Variants in GLDC observed in about 807,000 individuals in gnomAD.
GLDC encodes glycine dehydrogenase (decarboxylating), mitochondrial.
Under a neutral mutation model 121.3 loss-of-function variants are expected in GLDC, and 104 were observed. That is an observed-to-expected ratio of 0.86 (90% confidence interval 0.73 to 1.01). The LOEUF is 1.01. Among genes scored for constraint, GLDC ranks in the 50% least tolerant of loss-of-function variants. The probability of loss-of-function intolerance (pLI) is 0.00; values close to 1 mark genes in which losing one functional copy is unlikely to be tolerated. For missense variants in GLDC, 1,429 were observed against 1,306.6 expected (o/e 1.09, Z -1.44); for synonymous variants, 546 against 480.6 (o/e 1.14, Z -1.78).
At chr9:6,585,414 AAAAAT>A (rs1399239722) in intron 15 of GLDC, among the ~76,000 whole-genome samples, 4 of 152,238 alleles carry the variant, frequency 2.6e-5, no homozygotes, top group African/African-American at 9.6e-5. Flanking sequence ...AAAACAAAAC[AAAAAT>A]AAGTAATGAA....
intron 16 of GLDC, among the ~76,000 whole-genome samples, chr9:6,562,309 A>G (rs1817773537): frequency 6.6e-6 from 1 of 152,214 alleles, no homozygotes; most frequent in African/African-American, 2.4e-5. Flanking sequence ...TGTGAAAATA[A>G]CTTCAAAAAG....
intron 2 of GLDC, among the ~76,000 whole-genome samples, chr9:6,634,954 T>A (rs139641344): frequency 6.6e-6 from 1 of 152,234 alleles, no homozygotes; most frequent in Non-Finnish European, 1.5e-5. Flanking sequence ...AATAAATCCC[T>A]TTTGGCTCTG....
intron 7 of GLDC, among the ~76,000 whole-genome samples, chr9:6,602,986 G>C (rs112333400): frequency 0.02 from 2,981 of 152,106 alleles, 115 homozygotes; most frequent in African/African-American, 0.069. Context: ...CCAGCACTTT[G>C]GGGGGCCAAG....
At chr9:6,591,039 T>G (rs1003496088) in intron 11 of GLDC, among the ~76,000 whole-genome samples, 2 of 152,236 alleles carry the variant, frequency 1.3e-5, no homozygotes, top group Admixed American at 6.5e-5. Context: ...CCAGGCAGTG[T>G]AGGCTGTTGT....
chr9:6,536,532 T>C (rs977869142), intron 22 of GLDC, among the ~76,000 whole-genome samples: 4 of 152,106 alleles, frequency 2.6e-5, no homozygotes, highest in Non-Finnish European at 5.9e-5. Context: ...TCAAAAATAT[T>C]AAGTGAAAAA....
In GLDC at chr9:6,645,296, G is replaced by C; in HGVS notation, c.204C>G (p.Ile68Met). The change falls in exon 1 of 25, where the codon ATC (isoleucine) becomes ATG (methionine). Residue 68 changes from isoleucine to methionine, a missense_variant. Transcript: ENST00000321612. The stretch of plus-strand genomic sequence containing the variant: ...CTCTCTGGTCTTTGTCCCCAGGGCC[G>C]ATGTGCCTCCGAGCGAAGTCGTCGT... ...PRHDDFARRH[I>M]GPGDKDQREM... is the part of the protein sequence containing the mutation. 1 of 1,601,346 alleles carries C rather than the reference G, an allele frequency of 6.2e-7. No individual in the cohort carries two copies. Among genetic ancestry groups the C allele is most frequent in the Non-Finnish European group, 8.5e-7 (1 of 1,174,878 alleles).
At chr9:6,598,213 A>G (rs1818529119) in intron 8 of GLDC, among the ~76,000 whole-genome samples, 1 of 152,044 alleles carries the variant, frequency 6.6e-6, no homozygotes, top group Non-Finnish European at 1.5e-5. Flanking sequence ...CTTTTTTTAT[A>G]TAGACAGGAG....
chr9:6,628,359 G>A (rs1819290579), intron 2 of GLDC, among the ~76,000 whole-genome samples: 1 of 152,200 alleles, frequency 6.6e-6, no homozygotes, highest in African/African-American at 2.4e-5. Flanking sequence ...TCACAGCAGA[G>A]CACATTCCTC....
rs56151833 is a variant in GLDC at position 6,594,506 on chromosome 9, G to A, written c.1261+508C>T. Among the ~76,000 whole-genome samples the A allele has an allele frequency of 6.2e-3, 937 of 152,206 alleles. 8 individuals carry two copies. The highest frequency in any genetic ancestry group is 0.021 in the African/African-American group (889 of 41,526). ...AGGTCAGGAATTCGAGACCAGCCTG[G>A]AAAACATGGCAAAGCCCTGTCTCTA... is the stretch of plus-strand genomic sequence containing the variant. On this transcript the variant is annotated intron_variant, in intron 9 of 24. Coordinates refer to ENST00000321612, the MANE Select transcript of GLDC (RefSeq NM_000170.3).
chr9:6,607,312 G>C (rs1818755202), intron 4 of GLDC, among the ~76,000 whole-genome samples: 2 of 152,120 alleles, frequency 1.3e-5, no homozygotes, highest in Non-Finnish European at 2.9e-5. Context: ...GACAGGTGCG[G>C]TGGCTCACAC....
chr9:6,643,072 A>G (rs1819660477), intron 2 of GLDC, among the ~76,000 whole-genome samples: 1 of 151,808 alleles, frequency 6.6e-6, no homozygotes. Flanking sequence ...TAATTTTTGT[A>G]TTTTTTGTAG....
chr9:6,601,173 G>A (rs1554647708), intron 8 of GLDC, among the ~76,000 whole-genome samples: 3 of 151,718 alleles, frequency 2.0e-5, no homozygotes, highest in Non-Finnish European at 4.4e-5. Context: ...ACTCTGTCTC[G>A]AAAAAACAAA....
intron 21 of GLDC, among the ~76,000 whole-genome samples, chr9:6,543,432 C>G (rs1817312756): frequency 6.6e-6 from 1 of 152,018 alleles, no homozygotes; most frequent in Non-Finnish European, 1.5e-5. Flanking sequence ...GAGAGTCTTC[C>G]AAGCAGAGGT....
rs766071661 is a variant in GLDC at position 6,592,173 on chromosome 9, C to A, written c.1452G>T (p.Leu484Phe). ...ETVNEKDLDDLLWIFGCESSA... is the reference protein window; with the variant it reads ...ETVNEKDLDDFLWIFGCESSA... ...ATGACTCACAACCAAAGATCCACAA[C>A]AAATCGTCCAGATCTTTTTCATTGA... The change falls in exon 11 of 25, where the codon TTG (leucine) becomes TTT (phenylalanine). Residue 484 changes from leucine (L) to phenylalanine (F), a missense_variant. By Grantham distance (22) the Leu-to-Phe change is conservative. Coordinates refer to ENST00000321612, the MANE Select transcript of GLDC (RefSeq NM_000170.3). The A allele has an allele frequency of 1.2e-6, 2 of 1,607,376 alleles. No homozygotes were observed. The highest frequency in any genetic ancestry group is 1.7e-6 in the Non-Finnish European group (2 of 1,173,976).
intron 12 of GLDC, among the ~76,000 whole-genome samples, 194 bp downstream of exon 12, chr9:6,589,001 A>G (rs1233915699): frequency 1.3e-5 from 2 of 152,146 alleles, no homozygotes; most frequent in African/African-American, 2.4e-5. Flanking sequence ...CTGCCAAGGG[A>G]GCAGAGCCAC....
In GLDC at chr9:6,586,482, T is replaced by C. The variant is rs554951512; in HGVS notation, c.1850+659A>G. 3.9e-5 allele frequency among the ~76,000 whole-genome samples: 6 copies of C among 152,224 alleles called. No homozygotes were observed. In the South Asian group the frequency reaches 1.2e-3, roughly 32 times the overall value. On this transcript the variant is annotated intron_variant, in intron 15 of 24. Coordinates refer to ENST00000321612, the MANE Select transcript of GLDC (RefSeq NM_000170.3). ...TCAAAGTCTTTCCTTTACAAAGAAA[T>C]TGAGGCTGGAAGAGGAGAAGGGACC...
chr9:6,644,924 C>G (rs185899717), intron 1 of GLDC: 3 of 620,172 alleles, frequency 4.8e-6, no homozygotes, highest in East Asian at 5.4e-5. Flanking sequence ...CCGGAGCTAA[C>G]CGGTAAGCCC....
intron 2 of GLDC, chr9:6,639,024 G>T: frequency 2.2e-6 from 1 of 463,116 alleles, no homozygotes. Context: ...AAAAAAAAAA[G>T]TATATCCTCA....
At chr9:6,625,389 TG>T in intron 2 of GLDC, among the ~76,000 whole-genome samples, 1 of 152,196 alleles carries the variant, frequency 6.6e-6, no homozygotes, top group Non-Finnish European at 1.5e-5. Context: ...TTTGGCTGCA[TG>T]CCTGGAGAAA....
Sources: gnomAD v4.1 joint callset for allele counts (sites outside exome capture counted in the v4.1 genomes callset) on GRCh38, gnomAD v4.1.1 for gene constraint, MANE v1.5 for transcripts, NCBI Gene and HGNC (gene_info 2026-07-23, HGNC 2026-07-21) for gene names.